Variants in SV2C observed in about 807,000 individuals in gnomAD.
SV2C encodes synaptic vesicle glycoprotein 2C.
SV2C carries 49 observed loss-of-function variants against 79.7 expected under a neutral mutation model. That is an observed-to-expected ratio of 0.61 (90% CI 0.49 to 0.78). SV2C has a LOEUF of 0.78. SV2C is among the 30% of genes least tolerant of loss of function. SV2C has a pLI of 0.00. For synonymous variants in SV2C, 334 were observed against 333.2 expected (o/e 1.00, Z -0.03); for missense variants, 833 against 912.9 (o/e 0.91, Z 1.13).
intron 3 of SV2C, among the ~76,000 whole-genome samples, chr5:76,203,450 C>T (rs1303910807): frequency 1.3e-5 from 2 of 152,144 alleles, no homozygotes; most frequent in African/African-American, 4.8e-5. Flanking sequence ...TGATCATCAC[C>T]ATCTTTATTC....
intron 4 of SV2C, among the ~76,000 whole-genome samples, chr5:76,253,467 G>A (rs1272368616): frequency 1.3e-5 from 2 of 151,980 alleles, no homozygotes; most frequent in African/African-American, 4.8e-5. Flanking sequence ...AATTGCTATG[G>A]TACTTAGATT....
At chr5:76,157,598 T>C (rs1394581869) in intron 2 of SV2C, among the ~76,000 whole-genome samples, 1 of 150,324 alleles carries the variant, frequency 6.7e-6, no homozygotes, top group Non-Finnish European at 1.5e-5. Context: ...TATATTATCA[T>C]TGAGACTTCA....
At chr5:75,993,667 T>C in the SV2C span, among the ~76,000 whole-genome samples, 1 of 152,086 alleles carries the variant, frequency 6.6e-6, no homozygotes. Context: ...TTTCTGGCCC[T>C]GGGTTACCTG....
intron 2 of SV2C, among the ~76,000 whole-genome samples, chr5:76,154,489 A>AG (rs1742661214): frequency 6.6e-6 from 1 of 152,190 alleles, no homozygotes; most frequent in Non-Finnish European, 1.5e-5. Flanking sequence ...TGGAATCACT[A>AG]GGTGGTATTC....
chr5:75,871,270 T>C, the SV2C span, among the ~76,000 whole-genome samples: 3 of 152,044 alleles, frequency 2.0e-5, no homozygotes, highest in Admixed American at 6.6e-5. Flanking sequence ...ACACCCAAAG[T>C]GAACATCATG....
At chr5:76,055,986 T>C in the SV2C span, among the ~76,000 whole-genome samples, 1 of 152,168 alleles carries the variant, frequency 6.6e-6, no homozygotes, top group Non-Finnish European at 1.5e-5. Context: ...GAATATCCTG[T>C]ATTTCTTTTG....
intron 4 of SV2C, among the ~76,000 whole-genome samples, chr5:76,240,380 C>T (rs1048120728): frequency 7.2e-5 from 11 of 152,310 alleles, no homozygotes; most frequent in Non-Finnish European, 1.5e-4. Context: ...AACATTTTAC[C>T]CCAAGCATCC....
At position 76,331,876 on chromosome 5, in the gene SV2C, A is replaced by C. The variant is rs1293919794; in HGVS notation, c.*6329A>C. 6.6e-6 allele frequency: 1 copy of C among 152,348 alleles called. No individual in the cohort carries two copies. Among genetic ancestry groups the C allele is most frequent in the African/African-American group, 2.4e-5 (1 of 41,442 alleles). The allele number at this position is 152,348 out of a possible 1,614,324, so 9.4% of individuals were successfully genotyped here. A position where few individuals can be genotyped will look rare whatever the true frequency, so the allele number is the denominator to read the frequency against. ...CTGGCTTTGGCACAGCTCCCTGTGC[A>C]GGGCTGGATTTCCAATTGCTTTTCA... On this transcript the variant is annotated 3_prime_UTR_variant, in exon 13 of 13. Coordinates refer to ENST00000502798, the MANE Select transcript of SV2C (RefSeq NM_014979.4).
chr5:75,955,404 T>C, the SV2C span, among the ~76,000 whole-genome samples: 1 of 151,622 alleles, frequency 6.6e-6, no homozygotes, highest in Admixed American at 6.6e-5. Context: ...TCAAGATGGA[T>C]TAAAGACTTA....
chr5:76,259,875 T>G (rs532777589), intron 4 of SV2C, among the ~76,000 whole-genome samples: 1 of 152,340 alleles, frequency 6.6e-6, no homozygotes, highest in African/African-American at 2.4e-5. Context: ...GTTCCAAGTC[T>G]TTGCTGTTGT....
the SV2C span, among the ~76,000 whole-genome samples, chr5:75,881,942 G>C: frequency 2.0e-5 from 3 of 147,870 alleles, no homozygotes; most frequent in Middle Eastern, 3.2e-3. Flanking sequence ...GTTTGTCATA[G>C]ATAGCTCTTA....
intron 4 of SV2C, among the ~76,000 whole-genome samples, chr5:76,252,141 A>G (rs1453999564): frequency 2.6e-5 from 4 of 152,126 alleles, no homozygotes; most frequent in Admixed American, 6.6e-5. Context: ...TGTTTTTGAG[A>G]CAGAATCTCA....
At chr5:76,093,738 G>A (rs762932984) in intron 1 of SV2C, among the ~76,000 whole-genome samples, 12 of 152,134 alleles carry the variant, frequency 7.9e-5, no homozygotes, top group Non-Finnish European at 1.5e-5. Context: ...CCCTCTCTCT[G>A]TACTAAATAT....
the SV2C span, among the ~76,000 whole-genome samples, chr5:75,990,670 A>G: frequency 6.6e-6 from 1 of 151,964 alleles, no homozygotes; most frequent in African/African-American, 2.4e-5. Context: ...AGTCCTGGGA[A>G]TGAAGGTGCT....
chr5:76,165,653 G>A (rs1404156477), intron 2 of SV2C, among the ~76,000 whole-genome samples: 2 of 151,598 alleles, frequency 1.3e-5, no homozygotes, highest in Admixed American at 1.3e-4. Flanking sequence ...TAGTGCCCTT[G>A]ACACCCATCG....
the SV2C span, among the ~76,000 whole-genome samples, chr5:75,906,152 A>G: frequency 6.6e-6 from 1 of 152,060 alleles, no homozygotes; most frequent in Non-Finnish European, 1.5e-5. Flanking sequence ...AACAAGCCTC[A>G]GTTGTGACAA....
intron 1 of SV2C, among the ~76,000 whole-genome samples, chr5:76,094,616 G>C (rs527626061): frequency 5.3e-5 from 8 of 152,222 alleles, no homozygotes; most frequent in African/African-American, 1.7e-4. Flanking sequence ...TATCAATAAA[G>C]TATCTATGAA....
the SV2C span, chr5:75,921,449 G>A: frequency 6.3e-6 from 5 of 798,408 alleles, no homozygotes; most frequent in East Asian, 7.3e-5. Flanking sequence ...TGAACTTCTT[G>A]CCATCCTTGC....
At chr5:76,219,097 T>C (rs1246162589) in intron 4 of SV2C, among the ~76,000 whole-genome samples, 1 of 152,060 alleles carries the variant, frequency 6.6e-6, no homozygotes, top group East Asian at 1.9e-4. Flanking sequence ...ATAACTGGGG[T>C]TCCTCTCAGC....
Sources: allele counts gnomAD v4.1 joint callset (sites outside exome capture counted in the v4.1 genomes callset), GRCh38; gene constraint gnomAD v4.1.1; transcripts MANE v1.5; gene names NCBI Gene and HGNC (gene_info 2026-07-23, HGNC 2026-07-21).